The following NRG3 variants were observed in gnomAD, a reference collection of about 807,000 sequenced individuals.
NRG3 encodes neuregulin 3.
In NRG3, 31 loss-of-function variants were observed where a neutral mutation model predicts 66.9. The observed-to-expected ratio is 0.46, with a 90% CI of 0.35 to 0.63. The LOEUF is 0.63. NRG3 is among the 20% of genes least tolerant of loss of function. The pLI, the probability that NRG3 is intolerant of heterozygous loss-of-function variation, is 0.00. For missense variants in NRG3, 910 were observed against 878.9 expected (o/e 1.04, Z -0.45); for synonymous variants, 393 against 359.4 (o/e 1.09, Z -1.06).
At chr10:82,746,754 T>C (rs145141752) in intron 3 of NRG3, among the ~76,000 whole-genome samples, 1 of 152,198 alleles carries the variant, frequency 6.6e-6, no homozygotes, top group East Asian at 1.9e-4. Flanking sequence ...AAATTAAATA[T>C]TCATACCTTA....
Position 82,404,094 on chromosome 10 carries a change from T to C in NRG3, c.953+45226T>C, listed in dbSNP as rs2087317290. Among the ~76,000 whole-genome samples, 4 of 152,166 alleles carry C rather than the reference T, an allele frequency of 2.6e-5. No homozygotes were observed. The South Asian group carries it at 8.3e-4, about 32-fold the overall frequency. ...CATTCATGCTCAAGACTGTTTGCTT[T>C]CTGACATTTTAGGTTTTTATTCTTT... On this transcript the variant is annotated intron_variant, in intron 2 of 8. Transcript: ENST00000372141.
chr10:82,343,383 A>C (rs9663781), intron 1 of NRG3, among the ~76,000 whole-genome samples: 2,589 of 152,240 alleles, frequency 0.017, 81 homozygotes, highest in African/African-American at 0.059. Flanking sequence ...ACTACAAAAC[A>C]CTAATCATAG....
intron 1 of NRG3, among the ~76,000 whole-genome samples, chr10:82,123,955 C>T (rs752395782): frequency 3.3e-5 from 5 of 151,814 alleles, no homozygotes; most frequent in African/African-American, 7.3e-5. Context: ...AGGACTGCCC[C>T]GCTATTCTCA....
intron 2 of NRG3, among the ~76,000 whole-genome samples, chr10:82,404,348 G>A (rs987277413): frequency 1.3e-5 from 2 of 152,168 alleles, no homozygotes; most frequent in Non-Finnish European, 2.9e-5. Flanking sequence ...GGATGCAGCT[G>A]TTCAGGGGCT....
chr10:82,360,901 T>C (rs1384591023), intron 2 of NRG3, among the ~76,000 whole-genome samples: 1 of 152,202 alleles, frequency 6.6e-6, no homozygotes, highest in Admixed American at 6.5e-5. Flanking sequence ...TATCTTCTCA[T>C]CATGTTTCCT....
intron 2 of NRG3, among the ~76,000 whole-genome samples, chr10:82,465,487 GT>G (rs1224304572): frequency 6.6e-6 from 1 of 152,160 alleles, no homozygotes; most frequent in African/African-American, 2.4e-5. Flanking sequence ...GGAGTCCACT[GT>G]TTCTGTCCCA....
chr10:82,815,568 T>G (rs1294386290), intron 3 of NRG3, among the ~76,000 whole-genome samples: 1 of 152,158 alleles, frequency 6.6e-6, no homozygotes, highest in Non-Finnish European at 1.5e-5. Flanking sequence ...TCTCCTGATG[T>G]CATGAACTTA....
At chr10:82,164,407 G>A (rs556436697) in intron 1 of NRG3, among the ~76,000 whole-genome samples, 1 of 151,988 alleles carries the variant, frequency 6.6e-6, no homozygotes, top group South Asian at 2.1e-4. Flanking sequence ...ACAATATATT[G>A]TTGCTAACTC....
At chr10:82,362,285 T>G (rs566977451) in intron 2 of NRG3, among the ~76,000 whole-genome samples, 20 of 148,706 alleles carry the variant, frequency 1.3e-4, no homozygotes, top group Non-Finnish European at 2.2e-4. Context: ...GAACAAGAAA[T>G]AGAGAAAATA....
At chr10:82,707,350 G>C (rs1041803584) in intron 2 of NRG3, among the ~76,000 whole-genome samples, 4 of 151,786 alleles carry the variant, frequency 2.6e-5, no homozygotes, top group Admixed American at 6.6e-5. Flanking sequence ...CTAGTTGTGG[G>C]CTGAGATTTT....
intron 2 of NRG3, among the ~76,000 whole-genome samples, chr10:82,608,044 T>C (rs751936508): frequency 6.6e-6 from 1 of 152,190 alleles, no homozygotes; most frequent in Admixed American, 6.6e-5. Flanking sequence ...TCTTCCCTTC[T>C]TTTTATAGAT....
chr10:81,934,564 A>G (rs1189550315), intron 1 of NRG3, among the ~76,000 whole-genome samples: 1 of 152,186 alleles, frequency 6.6e-6, no homozygotes, highest in Non-Finnish European at 1.5e-5. Flanking sequence ...ATGGAAAGTG[A>G]CTCATCCAAG....
intron 2 of NRG3, among the ~76,000 whole-genome samples, chr10:82,421,655 A>AT (rs914216928): frequency 3.3e-5 from 5 of 151,920 alleles, no homozygotes; most frequent in Admixed American, 2.6e-4. Context: ...CCTTGCATTT[A>AT]TTTTTTTCTT....
chr10:81,941,557 A>G (rs1188575071), intron 1 of NRG3, among the ~76,000 whole-genome samples: 1 of 152,166 alleles, frequency 6.6e-6, no homozygotes, highest in Non-Finnish European at 1.5e-5. Context: ...AAAGCCTCTC[A>G]TGTCAGGCTA....
At chr10:82,296,730 A>G (rs1321446589) in intron 1 of NRG3, among the ~76,000 whole-genome samples, 1 of 151,486 alleles carries the variant, frequency 6.6e-6, no homozygotes, top group East Asian at 1.9e-4. Flanking sequence ...CAGTCATCAT[A>G]TTGTTCTATC....
chr10:82,374,725 C>T (rs1217495912), intron 2 of NRG3, among the ~76,000 whole-genome samples: 1 of 152,108 alleles, frequency 6.6e-6, no homozygotes, highest in East Asian at 1.9e-4. Context: ...AGGAACTAAG[C>T]CTTGCTGCTC....
At chr10:82,683,626 G>A (rs543457849) in intron 2 of NRG3, among the ~76,000 whole-genome samples, 1 of 152,114 alleles carries the variant, frequency 6.6e-6, no homozygotes, top group South Asian at 2.1e-4. Context: ...TCCAAGAATT[G>A]AAAAACTATA....
intron 2 of NRG3, among the ~76,000 whole-genome samples, chr10:82,429,900 C>A (rs2089684786): frequency 1.3e-5 from 2 of 152,140 alleles, no homozygotes; most frequent in African/African-American, 2.4e-5. Context: ...CAGTTGAAAT[C>A]TGCTGCCAAC....
At chr10:82,378,167 G>C (rs2135814240) in intron 2 of NRG3, among the ~76,000 whole-genome samples, 1 of 152,288 alleles carries the variant, frequency 6.6e-6, no homozygotes, top group Non-Finnish European at 1.5e-5. Flanking sequence ...AATTGGAGGA[G>C]TTTCTACCTA....
Sources: allele counts gnomAD v4.1 joint callset (sites outside exome capture counted in the v4.1 genomes callset), GRCh38; gene constraint gnomAD v4.1.1; transcripts MANE v1.5; gene names NCBI Gene and HGNC (gene_info 2026-07-23, HGNC 2026-07-21).